KLRG2: variants seen among roughly 807,000 people sequenced by gnomAD.
The protein encoded by KLRG2 is killer cell lectin like receptor G2.
A neutral mutation model predicts 35.4 loss-of-function variants in KLRG2; 39 were observed. The ratio of observed to expected loss-of-function variants is 1.10; its 90% CI spans 0.85 to 1.44. The LOEUF (loss-of-function observed/expected upper bound fraction) is 1.44. KLRG2 is among the 40% of genes most tolerant of loss of function. The pLI, the probability that KLRG2 is intolerant of heterozygous loss-of-function variation, is 0.00. For missense variants in KLRG2, 632 were observed against 570.9 expected, an observed-to-expected ratio of 1.11 and a Z score of -1.09; for synonymous variants, 283 against 265.8, an observed-to-expected ratio of 1.06 and a Z score of -0.63.
At chr7:139,470,967 T>G (rs1796745139) in intron 3 of KLRG2, among the ~76,000 whole-genome samples, 2 of 151,694 alleles carry the variant, frequency 1.3e-5, no homozygotes, top group Non-Finnish European at 1.5e-5. Flanking sequence ...CTCAGTCTCC[T>G]GAGTAGCTGG....
chr7:139,468,752 G>A (rs1002128111), intron 3 of KLRG2, among the ~76,000 whole-genome samples: 3 of 152,130 alleles, frequency 2.0e-5, no homozygotes, highest in Non-Finnish European at 2.9e-5. Flanking sequence ...TAAGTGTGAC[G>A]GGATGAATTC....
At chr7:139,440,796 A>G in the KLRG2 span, among the ~76,000 whole-genome samples, 4 of 152,256 alleles carry the variant, frequency 2.6e-5, no homozygotes, top group East Asian at 7.7e-4. Flanking sequence ...TCACATTAAT[A>G]AGTATTGGGA....
intron 3 of KLRG2, among the ~76,000 whole-genome samples, chr7:139,465,776 T>C (rs1022879697): frequency 2.6e-5 from 4 of 151,972 alleles, no homozygotes; most frequent in African/African-American, 4.8e-5. Flanking sequence ...AGACCTCTCA[T>C]TGCTCAGGGC....
Position 139,453,260 on chromosome 7 carries a change from T to C in KLRG2, c.*327A>G, listed in dbSNP as rs1483075801. ...TCCGCTGTGGTTGTTAACCCTGTCT[T>C]TTTCCTCTAGGGGGAAATTGTCATT... On this transcript the variant is annotated 3_prime_UTR_variant, in exon 5 of 5. Transcript: ENST00000340940. The C allele has an allele frequency of 6.3e-6, 3 of 473,712 alleles. No homozygotes were observed. The highest frequency in any genetic ancestry group is 6.1e-5 in the African/African-American group (3 of 49,302). The allele number at this position is 473,712 out of a possible 1,614,324, so 29.3% of individuals were successfully genotyped here. A position where few individuals can be genotyped will look rare whatever the true frequency, so the allele number is the denominator to read the frequency against.
the KLRG2 span, among the ~76,000 whole-genome samples, chr7:139,434,510 A>G: frequency 6.6e-6 from 1 of 152,200 alleles, no homozygotes; most frequent in African/African-American, 2.4e-5. Flanking sequence ...CTCCCTCTGT[A>G]AGCAGTATGG....
chr7:139,453,317 A>C lies in KLRG2; in HGVS notation c.*270T>G. 1 of 498,734 alleles carries C rather than the reference A, an allele frequency of 2.0e-6. No homozygotes were observed. The highest frequency in any genetic ancestry group is 3.5e-6 in the Non-Finnish European group (1 of 287,424). The allele number at this position is 498,734 out of a possible 1,614,324, so 30.9% of individuals were successfully genotyped here. A position where few individuals can be genotyped will look rare whatever the true frequency, so the allele number is the denominator to read the frequency against. On this transcript the variant is annotated 3_prime_UTR_variant, in exon 5 of 5. Transcript: ENST00000340940. ...AAACCAAGGCACAGAAATGCTAAAC[A>C]ACCATCCCAATGTCATCAAACCGAT...
At chr7:139,461,683 C>A (rs182458320) in intron 3 of KLRG2, among the ~76,000 whole-genome samples, 19 of 152,084 alleles carry the variant, frequency 1.2e-4, no homozygotes, top group Non-Finnish European at 2.4e-4. Context: ...TGCCCGCCAG[C>A]GAACAACACC....
At position 139,479,792 on chromosome 7, in the gene KLRG2, T is replaced by G; in HGVS notation, c.860-20A>C. 2.5e-6 allele frequency: 4 copies of G among 1,610,840 alleles called. No individual in the cohort carries two copies. Among genetic ancestry groups the G allele is most frequent in the Non-Finnish European group, 3.4e-6 (4 of 1,178,276 alleles). On this transcript the variant is annotated intron_variant, in intron 2 of 4. Transcript: ENST00000340940. ...TGGCTCCTGCAAGCACAGAGACTGC[T>G]GGTGAGCTGCAGGGTAAGCTGCATT...
intron 3 of KLRG2, among the ~76,000 whole-genome samples, chr7:139,479,380 CA>C (rs1289708694): frequency 6.6e-6 from 1 of 151,568 alleles, no homozygotes; most frequent in Middle Eastern, 3.4e-3. Flanking sequence ...TGTGCCTGGC[CA>C]AAAAAAAATT....
downstream of KLRG2, among the ~76,000 whole-genome samples, chr7:139,450,372 T>C (rs541976166): frequency 0.014 from 2,088 of 151,842 alleles, 18 homozygotes; most frequent in Non-Finnish European, 0.02. Flanking sequence ...TACAGGCGCC[T>C]GCCACCACGC....
intron 1 of KLRG2, among the ~76,000 whole-genome samples, 184 bp from the exon 2 acceptor site, chr7:139,480,431 C>G (rs1397408497): frequency 6.7e-6 from 1 of 149,182 alleles, no homozygotes; most frequent in Non-Finnish European, 1.5e-5. Context: ...AGAAAGAAGC[C>G]AGATATTCTT....
chr7:139,457,615 C>G (rs1215354635), intron 3 of KLRG2, among the ~76,000 whole-genome samples: 3 of 152,170 alleles, frequency 2.0e-5, no homozygotes, highest in African/African-American at 4.8e-5. Flanking sequence ...CTCCTACACA[C>G]ATGAGCCCCT....
At chr7:139,462,742 C>T (rs1369561933) in intron 3 of KLRG2, among the ~76,000 whole-genome samples, 1 of 152,176 alleles carries the variant, frequency 6.6e-6, no homozygotes, top group Non-Finnish European at 1.5e-5. Flanking sequence ...GTCTGAGGTG[C>T]CTGACGTCCA....
At chr7:139,428,068 AG>A in the KLRG2 span, among the ~76,000 whole-genome samples, 1 of 152,178 alleles carries the variant, frequency 6.6e-6, no homozygotes, top group Admixed American at 6.6e-5. Flanking sequence ...GCAAGAAGGG[AG>A]GGAGCAACAG....
chr7:139,445,769 A>ATATATATATATGTATATATATATGTG, the KLRG2 span, among the ~76,000 whole-genome samples: 1 of 119,542 alleles, frequency 8.4e-6, no homozygotes, highest in Non-Finnish European at 1.6e-5. Context: ...ATGTGTATGT[A>ATATATATATATGTATATATATATGTG]TATATATATA....
Position 139,455,384 on chromosome 7 carries a change from C to G in KLRG2, c.1006-1170G>C, listed in dbSNP as rs369352156. 6.3e-5 allele frequency among the ~76,000 whole-genome samples: 9 copies of G among 143,356 alleles called. No individual in the cohort carries two copies. The East Asian group carries it at 1.0e-3, about 17-fold the overall frequency. The allele number at this position is 143,356 out of a possible 152,430, so 94.0% of individuals were successfully genotyped here. Reference sequence around the variant, plus strand: ...TTGCCCAGGCTGGAGTGCAGTGGCGCGATCTCGGCTCACTGCAAGCTCTGT... The same window carrying G: ...TTGCCCAGGCTGGAGTGCAGTGGCGGGATCTCGGCTCACTGCAAGCTCTGT... On this transcript the variant is annotated intron_variant, in intron 3 of 4. Coordinates refer to ENST00000340940, the MANE Select transcript of KLRG2 (RefSeq NM_198508.4).
At chr7:139,466,628 C>T (rs575783158) in intron 3 of KLRG2, among the ~76,000 whole-genome samples, 136 of 152,272 alleles carry the variant, frequency 8.9e-4, no homozygotes, top group African/African-American at 3.2e-3. Flanking sequence ...ACCACACTAT[C>T]AATCTCAGTC....
At position 139,483,527 on chromosome 7, in the gene KLRG2, C is replaced by T. The variant is rs2116494970; in HGVS notation, c.116G>A (p.Arg39Gln). The change falls in exon 1 of 5, where the codon CGA becomes CAA. Residue 39 changes from arginine (R) to glutamine (Q), a missense_variant. Coordinates refer to ENST00000340940, the MANE Select transcript of KLRG2 (RefSeq NM_198508.4). ...GCTGCTTTCGGGACCTTCAGGTTGT[C>T]GCACCTTCGCGGGCACCTGCGGCTG... ...LEQPQVPAKVRQPEGPESSPS... is the reference protein window; with the variant it reads ...LEQPQVPAKVQQPEGPESSPS... 6.3e-7 allele frequency: 1 copy of T among 1,598,890 alleles called. No homozygotes were observed. Among genetic ancestry groups the T allele is most frequent in the South Asian group, 1.1e-5 (1 of 90,482 alleles).
intron 3 of KLRG2, among the ~76,000 whole-genome samples, chr7:139,455,259 T>A (rs1243067174): frequency 1.3e-5 from 2 of 151,978 alleles, no homozygotes; most frequent in African/African-American, 2.4e-5. Context: ...CCTCAAGTGA[T>A]CTGTCCATTT....
Sources: allele counts gnomAD v4.1 joint callset (sites outside exome capture counted in the v4.1 genomes callset), GRCh38; gene constraint gnomAD v4.1.1; transcripts MANE v1.5; gene names NCBI Gene and HGNC (gene_info 2026-07-23, HGNC 2026-07-21).